CACNA1C: variants seen among roughly 807,000 people sequenced by gnomAD.
CACNA1C encodes voltage-dependent L-type calcium channel subunit alpha-1C.
A neutral mutation model predicts 229.0 loss-of-function variants in CACNA1C; 30 were observed. The ratio of observed to expected loss-of-function variants is 0.13; its 90% CI spans 0.10 to 0.18. The LOEUF (loss-of-function observed/expected upper bound fraction) is 0.18. CACNA1C is among the 10% of genes least tolerant of loss of function. The probability of loss-of-function intolerance (pLI) is 1.00; values close to 1 mark genes in which losing one functional copy is unlikely to be tolerated. For missense variants in CACNA1C, 1,658 were observed against 2,845.0 expected (o/e 0.58, Z 9.49); for synonymous variants, 1,114 against 1,132.5 (o/e 0.98, Z 0.33).
chr12:2,430,334 C>T (rs528270990), intron 3 of CACNA1C, among the ~76,000 whole-genome samples: 22 of 152,182 alleles, frequency 1.4e-4, no homozygotes, highest in Non-Finnish European at 2.8e-4. Flanking sequence ...TGTTTCATTC[C>T]ATGAACTGGC....
intron 2 of CACNA1C, among the ~76,000 whole-genome samples, chr12:2,116,489 C>A (rs2083924844): frequency 6.6e-6 from 1 of 152,228 alleles, no homozygotes; most frequent in East Asian, 1.9e-4. Context: ...CCTCAGCCTC[C>A]TGTATAGCCG....
chr12:2,262,080 G>T (rs1213807115), intron 3 of CACNA1C, among the ~76,000 whole-genome samples: 1 of 152,246 alleles, frequency 6.6e-6, no homozygotes, highest in East Asian at 1.9e-4. Context: ...GCAGGCAGAG[G>T]CTCGCCAAGG....
At chr12:2,544,535 A>G (rs1165569308) in intron 9 of CACNA1C, among the ~76,000 whole-genome samples, 1 of 152,232 alleles carries the variant, frequency 6.6e-6, no homozygotes, top group East Asian at 1.9e-4. Context: ...TCAGACTGTG[A>G]ATTTTAAATC....
intron 5 of CACNA1C, among the ~76,000 whole-genome samples, chr12:2,478,796 C>G (rs1319225917): frequency 1.3e-5 from 2 of 152,202 alleles, no homozygotes; most frequent in Non-Finnish European, 2.9e-5. Flanking sequence ...CCACTGCACT[C>G]TCCTCCTTCT....
chr12:2,609,253 C>T (rs1159798291), intron 27 of CACNA1C, among the ~76,000 whole-genome samples: 2 of 152,046 alleles, frequency 1.3e-5, no homozygotes, highest in African/African-American at 2.4e-5. Context: ...CTGGCAGTGC[C>T]GTGGCTGAGT....
intron 3 of CACNA1C, among the ~76,000 whole-genome samples, chr12:2,411,061 C>T (rs183149020): frequency 1.4e-4 from 21 of 152,262 alleles, no homozygotes; most frequent in African/African-American, 5.1e-4. Flanking sequence ...CCTAGATCAG[C>T]GCAAATCTCA....
At chr12:2,174,999 G>A (rs1024969288) in intron 3 of CACNA1C, among the ~76,000 whole-genome samples, 4 of 152,134 alleles carry the variant, frequency 2.6e-5, no homozygotes, top group Admixed American at 6.5e-5. Context: ...TTGCCATCTC[G>A]GGTGGCAGAG....
At chr12:2,365,809 G>A (rs2097705562) in intron 3 of CACNA1C, among the ~76,000 whole-genome samples, 2 of 152,108 alleles carry the variant, frequency 1.3e-5, no homozygotes, top group South Asian at 2.1e-4. Flanking sequence ...GTAAATCAAG[G>A]GGCGCTAAAG....
At chr12:2,305,357 A>C (rs921762967) in intron 3 of CACNA1C, among the ~76,000 whole-genome samples, 1 of 152,250 alleles carries the variant, frequency 6.6e-6, no homozygotes, top group African/African-American at 2.4e-5. Context: ...TTTATGGTGC[A>C]GCCTCAGGTG....
intron 3 of CACNA1C, among the ~76,000 whole-genome samples, chr12:2,284,850 A>G (rs1437413281): frequency 1.3e-5 from 2 of 152,184 alleles, no homozygotes; most frequent in Admixed American, 1.3e-4. Context: ...AGGATAATTA[A>G]CTTCTACCAG....
Position 2,677,635 on chromosome 12 carries a change from G to A in CACNA1C, c.4957-98G>A. ...TCGACTGGCTGGGTGGAGGATGCCA[G>A]GGCCCTGGAGGGACAGGTCTTGGCC... On this transcript the variant is annotated intron_variant, in intron 40 of 46. Coordinates refer to ENST00000399655, the MANE Select transcript of CACNA1C (RefSeq NM_000719.7). This position sits in a 1 kb window ranked among gnomAD's most constrained non-coding sequence, Gnocchi z 7.4. 2 of 1,381,754 alleles carry A rather than the reference G, an allele frequency of 1.4e-6. No individual in the cohort carries two copies. Among genetic ancestry groups the A allele is most frequent in the Non-Finnish European group, 2.0e-6 (2 of 1,002,454 alleles). 85.6% of individuals were successfully genotyped at this position (1,381,754 alleles called of 1,614,324 possible).
At chr12:2,423,008 G>A (rs986807808) in intron 3 of CACNA1C, among the ~76,000 whole-genome samples, 10 of 152,156 alleles carry the variant, frequency 6.6e-5, no homozygotes, top group African/African-American at 2.4e-4. Flanking sequence ...TCCATAATTC[G>A]AATCTCGTCC....
intron 3 of CACNA1C, among the ~76,000 whole-genome samples, chr12:2,372,381 G>A (rs529674142): frequency 3.9e-5 from 6 of 152,222 alleles, no homozygotes; most frequent in East Asian, 1.9e-4. Flanking sequence ...CTAACACACC[G>A]GAGTCTGTTG....
intron 3 of CACNA1C, among the ~76,000 whole-genome samples, chr12:2,340,054 G>A (rs1456759976): frequency 6.6e-6 from 1 of 152,194 alleles, no homozygotes; most frequent in Non-Finnish European, 1.5e-5. Context: ...TGAATCTGCA[G>A]TATAATGTGG....
chr12:2,677,659 C>G lies in CACNA1C; in HGVS notation c.4957-74C>G, dbSNP rs1427052042. 3.3e-6 allele frequency: 5 copies of G among 1,534,252 alleles called. No homozygotes were observed. In the East Asian group the frequency reaches 1.2e-4, roughly 37 times the overall value. ...AGGGCCCTGGAGGGACAGGTCTTGG[C>G]CCGAGGCTGTGGCTGGCTGGGGAGC... On this transcript the variant is annotated intron_variant, in intron 40 of 46. Coordinates refer to ENST00000399655, the MANE Select transcript of CACNA1C (RefSeq NM_000719.7). The surrounding 1 kb of genome is among the most constrained non-coding windows in gnomAD (Gnocchi z 7.4).
At chr12:2,303,243 G>C (rs2094717842) in intron 3 of CACNA1C, among the ~76,000 whole-genome samples, 1 of 152,224 alleles carries the variant, frequency 6.6e-6, no homozygotes, top group Non-Finnish European at 1.5e-5. Context: ...GAGCACTGCA[G>C]ACTGGGTGGC....
At chr12:2,332,686 G>A (rs2096582174) in intron 3 of CACNA1C, among the ~76,000 whole-genome samples, 1 of 152,316 alleles carries the variant, frequency 6.6e-6, no homozygotes, top group Non-Finnish European at 1.5e-5. Context: ...CCCTACCATG[G>A]AATAGGATGT....
rs1023174375 is a variant in CACNA1C at position 2,034,842 on chromosome 12, A to G, written c.139+63641A>G. On this transcript the variant is annotated intron_variant, in intron 1 of 46. Coordinates refer to the CACNA1C transcript ENST00000682462. The surrounding 1 kb of genome is among the most constrained non-coding windows in gnomAD (Gnocchi z 4.1). The stretch of plus-strand genomic sequence containing the variant: ...TGGGAATGGGGAGAGACAGGCAGAC[A>G]GGTGATTTTCATTCTGTGTGTAAAT... 6.6e-6 allele frequency among the ~76,000 whole-genome samples: 1 copy of G among 152,238 alleles called. No individual in the cohort carries two copies. Among genetic ancestry groups the G allele is most frequent in the Non-Finnish European group, 1.5e-5 (1 of 68,030 alleles).
chr12:2,445,735 T>C (rs540533280), intron 3 of CACNA1C, among the ~76,000 whole-genome samples: 1 of 152,252 alleles, frequency 6.6e-6, no homozygotes, highest in Non-Finnish European at 1.5e-5. Context: ...GAAAGCAGCC[T>C]GTCAATGAGG....
Sources: allele counts gnomAD v4.1 joint callset (sites outside exome capture counted in the v4.1 genomes callset), GRCh38; gene constraint gnomAD v4.1.1; non-coding constraint Gnocchi (gnomAD v3.1); transcripts MANE v1.5; gene names NCBI Gene and HGNC (gene_info 2026-07-23, HGNC 2026-07-21).